NID1: variants seen among roughly 807,000 people sequenced by gnomAD.
The protein encoded by NID1 is nidogen 1.
In NID1, 76 loss-of-function variants were observed where a neutral mutation model predicts 130.6. The ratio of observed to expected loss-of-function variants is 0.58; its 90% CI spans 0.48 to 0.70. The LOEUF is 0.70. Ranked by LOEUF, NID1 falls within the 30% of genes least tolerant of loss-of-function variation. The pLI is 0.00. For synonymous variants in NID1, 665 were observed against 675.1 expected, an observed-to-expected ratio of 0.98 and a Z score of 0.23; for missense variants, 1,517 against 1,664.8, an observed-to-expected ratio of 0.91 and a Z score of 1.54.
At chr1:236,056,199 C>T (rs531766687) in intron 1 of NID1, among the ~76,000 whole-genome samples, 19 of 152,204 alleles carry the variant, frequency 1.2e-4, no homozygotes, top group Admixed American at 4.6e-4. Context: ...TAGAAGAAAA[C>T]AATAAGGAAA....
At chr1:236,043,403 C>G (rs1321259502) in intron 3 of NID1, among the ~76,000 whole-genome samples, 6 of 152,040 alleles carry the variant, frequency 3.9e-5, no homozygotes, top group African/African-American at 1.5e-4. Context: ...GTGTAGGACA[C>G]CCGGCTGGTG....
rs749980183 is a variant in NID1 at position 235,993,687 on chromosome 1, C to T, written c.2713G>A (p.Glu905Lys). The change falls in exon 13 of 20, where the codon GAG (glutamate) becomes AAG (lysine). Residue 905 changes from glutamate (E) to lysine (K), a missense_variant. Transcript: ENST00000264187. Reference protein sequence around the residue: ...YCWCVDRDGREVEGTRTRPGM... With the variant: ...YCWCVDRDGRKVEGTRTRPGM... ...GGCCTGGTCCTGGTGCCCTCCACCTCGCGGCCGTCGCGATCCACGCACCAG... is the reference window on the plus strand; with the variant it reads ...GGCCTGGTCCTGGTGCCCTCCACCTTGCGGCCGTCGCGATCCACGCACCAG... 1.9e-6 allele frequency: 3 copies of T among 1,587,538 alleles called. No individual in the cohort carries two copies. Among genetic ancestry groups the T allele is most frequent in the East Asian group, 2.3e-5 (1 of 43,468 alleles).
rs769647164 is a variant in NID1, at chr1:235,980,587, C to T, written c.3294G>A (p.Thr1098=). 34 of 1,614,038 alleles carry T rather than the reference C, an allele frequency of 2.1e-5. No individual in the cohort carries two copies. The Admixed American group carries it at 4.7e-4, about 22-fold the overall frequency. Residue 1098 remains threonine, a synonymous_variant, in exon 17 of 20, where the codon ACG becomes ACA. Transcript: ENST00000264187. ...PKIETSYMDG[T]NRRILVQDDL... The stretch of plus-strand genomic sequence containing the variant: ...CATCCTGCACAAGGATCCTCCGGTT[C>T]GTGCCGTCCATGTAGGAAGTTTCAA...
chr1:236,038,364 C>T, intron 4 of NID1, 111 bp from the exon 5 acceptor site: 3 of 1,134,254 alleles, frequency 2.6e-6, no homozygotes, highest in Non-Finnish European at 3.7e-6. Flanking sequence ...CCTGCATGGG[C>T]AATTCAAGGG....
chr1:236,037,426 G>T (rs1659292163), intron 5 of NID1, among the ~76,000 whole-genome samples: 1 of 152,210 alleles, frequency 6.6e-6, no homozygotes, highest in Non-Finnish European at 1.5e-5. Flanking sequence ...GGGAGGCCGA[G>T]GCAGGCAGAT....
At chr1:236,022,094 AC>A (rs1209953673) in intron 9 of NID1, among the ~76,000 whole-genome samples, 3 of 151,388 alleles carry the variant, frequency 2.0e-5, no homozygotes, top group African/African-American at 4.9e-5. Context: ...ACATGGAAAA[AC>A]CCCATCTCTA....
chr1:236,045,649 T>G lies in NID1; in HGVS notation c.560A>C (p.Asp187Ala). Residue 187 changes from aspartate to alanine, a missense_variant, in exon 3 of 20, where the codon GAT becomes GCT. Physicochemically the swap from Asp to Ala is moderately radical, Grantham distance 126. Around this residue, in one of 3 missense-constraint regions of NID1, gnomAD observed 1,329 missense variants for 1,429.2 expected, o/e 0.93. Transcript: ENST00000264187. ...AAGGAAAATGGCATAGGAGCTGGAA[T>G]CAGAGGAGGCTAGAACAGCCTGGAA... ...NTFQAVLASS[D>A]SSSYAIFLYP... 1 of 1,614,130 alleles carries G rather than the reference T, an allele frequency of 6.2e-7. No individual in the cohort carries two copies. The highest frequency in any genetic ancestry group is 8.5e-7 in the Non-Finnish European group (1 of 1,180,004).
rs749249866 is a variant in NID1 at position 236,026,016 on chromosome 1, C to T, written c.1864G>A (p.Asp622Asn). The T allele has an allele frequency of 5.0e-6, 8 of 1,613,402 alleles. No individual in the cohort carries two copies. In the Admixed American group the frequency reaches 1.0e-4, roughly 20 times the overall value. ...TITFQECVHD[D>N]SRPALPSTQQ... ...GTGCTGGGCAGGGCTGGCCGGGAGT[C>T]ATCGTGGACGCATTCCTGGAAGGTG... is the stretch of plus-strand genomic sequence containing the variant. The change falls in exon 8 of 20, where the codon GAC (aspartate) becomes AAC (asparagine). Residue 622 changes from aspartate to asparagine, a missense_variant. This residue lies in a region of NID1 where 1,329 missense variants were observed against 1,429.2 expected (regional missense o/e 0.93). Coordinates refer to ENST00000264187, the MANE Select transcript of NID1 (RefSeq NM_002508.3).
chr1:236,039,042 T>C (rs2102837560), intron 4 of NID1, among the ~76,000 whole-genome samples: 1 of 131,622 alleles, frequency 7.6e-6, no homozygotes, highest in East Asian at 2.1e-4. Flanking sequence ...ATAATATATA[T>C]TTACATTATA....
At chr1:236,028,567 A>G (rs1302397309) in intron 7 of NID1, among the ~76,000 whole-genome samples, 2 of 152,128 alleles carry the variant, frequency 1.3e-5, no homozygotes, top group Non-Finnish European at 2.9e-5. Flanking sequence ...AAATTTCTCA[A>G]TTTTGATAAC....
At chr1:236,011,783 AAC>A (rs1658432074) in intron 12 of NID1, 136 bp downstream of exon 12, 1 of 1,315,540 alleles carries the variant, frequency 7.6e-7, no homozygotes, top group African/African-American at 1.7e-5. Context: ...TGGACAGGGC[AAC>A]GGGCCATGTG....
Position 236,024,151 on chromosome 1 carries a change from C to T in NID1, c.2047G>A (p.Ala683Thr), listed in dbSNP as rs371241452. ...GTCCTGGGACCAGGGCGACAGGCCG[C>T]GTTGGTGTCACACCCATGAGTGCCG... ...YIGTHGCDTNAACRPGPRTQF... is the reference protein window; with the variant it reads ...YIGTHGCDTNTACRPGPRTQF... Residue 683 changes from alanine to threonine, a missense_variant, in exon 9 of 20, where the codon GCG becomes ACG. Ala to Thr is a moderately conservative substitution (Grantham distance 58). Coordinates refer to ENST00000264187, the MANE Select transcript of NID1 (RefSeq NM_002508.3). 7.4e-6 allele frequency: 12 copies of T among 1,614,146 alleles called. No individual in the cohort carries two copies. The highest frequency in any genetic ancestry group is 1.3e-5 in the African/African-American group (1 of 74,952).
intron 9 of NID1, among the ~76,000 whole-genome samples, chr1:236,019,653 A>G (rs1175501018): frequency 1.3e-5 from 2 of 152,144 alleles, no homozygotes; most frequent in Admixed American, 1.3e-4. Flanking sequence ...AGACTAGACA[A>G]CACCCTTTCT....
chr1:236,016,138 C>T (rs535356728), intron 10 of NID1, among the ~76,000 whole-genome samples: 21 of 152,000 alleles, frequency 1.4e-4, no homozygotes, highest in Admixed American at 4.6e-4. Flanking sequence ...TACACAGAAA[C>T]TGATGTTCCC....
At chr1:236,024,261 G>GCTCCTCCTTCCA in intron 8 of NID1, 48 bp from the exon 9 acceptor site, 1 of 1,602,538 alleles carries the variant, frequency 6.2e-7, no homozygotes, top group Non-Finnish European at 8.5e-7. Context: ...AGGAGCTCTT[G>GCTCCTCCTTCCA]CAGGTTTCCT....
intron 2 of NID1, 102 bp downstream of exon 2, chr1:236,048,588 C>A: frequency 7.7e-7 from 1 of 1,293,476 alleles, no homozygotes; most frequent in Non-Finnish European, 1.0e-6. Context: ...CTGTCTTTAT[C>A]AATGGTGTAT....
Position 236,049,004 on chromosome 1 carries a change from G to C in NID1, c.226-15C>G, listed in dbSNP as rs758790566. 8.1e-6 allele frequency: 13 copies of C among 1,607,530 alleles called. 1 individual carries two copies. In the East Asian group the frequency reaches 2.9e-4, roughly 36 times the overall value. Reference sequence around the variant, plus strand: ...TTTGTGGTGACCTGTACAAAACCAAGTGTGGTTAAAAGGAATGCAGAAACG... The same window carrying C: ...TTTGTGGTGACCTGTACAAAACCAACTGTGGTTAAAAGGAATGCAGAAACG... On this transcript the variant is annotated splice_polypyrimidine_tract_variant and intron_variant, in intron 1 of 19. Transcript: ENST00000264187.
chr1:235,985,543 C>T (rs369671208), intron 14 of NID1, 38 bp from the exon 15 acceptor site: 189 of 1,611,440 alleles, frequency 1.2e-4, no homozygotes, highest in Non-Finnish European at 1.4e-4. Context: ...GGTCCATCTA[C>T]AAGCATCTGA....
rs1558418940 is a variant in NID1, at chr1:235,979,769, A to G, written c.3509+53T>C. ...ATGGGAAGGGCCTGGCCTCCCAGAGACAGTGGGTGGAGGGGCAGGCCCACG... is the reference window on the plus strand; with the variant it reads ...ATGGGAAGGGCCTGGCCTCCCAGAGGCAGTGGGTGGAGGGGCAGGCCCACG... On this transcript the variant is annotated intron_variant, in intron 18 of 19. Transcript: ENST00000264187. This position sits in a 1 kb window ranked among gnomAD's most constrained non-coding sequence, Gnocchi z 4.6. 3 of 1,601,952 alleles carry G rather than the reference A, an allele frequency of 1.9e-6. No homozygotes were observed. The highest frequency in any genetic ancestry group is 2.6e-6 in the Non-Finnish European group (3 of 1,171,544).
Sources: allele counts gnomAD v4.1 joint callset (sites outside exome capture counted in the v4.1 genomes callset), GRCh38; gene constraint gnomAD v4.1.1; regional missense constraint gnomAD v4.1.1; non-coding constraint Gnocchi (gnomAD v3.1); transcripts MANE v1.5; gene names NCBI Gene and HGNC (gene_info 2026-07-23, HGNC 2026-07-21).